IL1RAPL1: variants seen among roughly 807,000 people sequenced by gnomAD.
IL1RAPL1 encodes the protein interleukin 1 receptor accessory protein like 1.
A neutral mutation model predicts 48.4 loss-of-function variants in IL1RAPL1; 3 were observed. That is an observed-to-expected ratio of 0.06 (90% confidence interval 0.03 to 0.16). The LOEUF (loss-of-function observed/expected upper bound fraction) is 0.16. Among genes scored for constraint, IL1RAPL1 ranks in the 10% least tolerant of loss-of-function variants. IL1RAPL1 has a pLI of 1.00. For synonymous variants in IL1RAPL1, 185 were observed against 187.7 expected (o/e 0.99, Z 0.12); for missense variants, 349 against 530.6 (o/e 0.66, Z 3.36).
chrX:29,029,628 G>A (rs1272458550), intron 2 of IL1RAPL1, among the ~76,000 whole-genome samples: 1 of 111,829 alleles, frequency 8.9e-6, no homozygotes, highest in African/African-American at 3.3e-5. Context: ...CCATCTTTGT[G>A]TATTTTGCAT....
chrX:28,925,321 T>C (rs921308759), intron 2 of IL1RAPL1, among the ~76,000 whole-genome samples: 1 of 111,830 alleles, frequency 8.9e-6, no homozygotes, highest in South Asian at 3.7e-4. Flanking sequence ...TGTATTTTAG[T>C]TTGAAGAACT....
intron 1 of IL1RAPL1, among the ~76,000 whole-genome samples, chrX:28,623,391 G>T (rs1050599493): frequency 9.0e-6 from 1 of 111,441 alleles, no homozygotes; most frequent in Non-Finnish European, 1.9e-5. Context: ...GGAATTTATC[G>T]CAACGGGTAT....
At chrX:29,936,491 C>T (rs976472616) in intron 8 of IL1RAPL1, among the ~76,000 whole-genome samples, 22 of 102,464 alleles carry the variant, frequency 2.1e-4, no homozygotes, top group South Asian at 1.8e-3. Context: ...TCAGTTATAC[C>T]TTCTGGCAAA....
At chrX:29,127,513 G>A (rs974583877) in intron 2 of IL1RAPL1, among the ~76,000 whole-genome samples, 2 of 111,873 alleles carry the variant, frequency 1.8e-5, no homozygotes, top group South Asian at 3.7e-4. Context: ...TGCTCTTTGC[G>A]TCTTTGCACA....
intron 2 of IL1RAPL1, among the ~76,000 whole-genome samples, chrX:29,154,257 G>A (rs1037046724): frequency 9.0e-6 from 1 of 111,449 alleles, no homozygotes; most frequent in Non-Finnish European, 1.9e-5. Flanking sequence ...AATATTTTGT[G>A]GGCCAGGTGC....
chrX:28,966,946 G>A (rs907148735), intron 2 of IL1RAPL1, among the ~76,000 whole-genome samples: 2 of 111,790 alleles, frequency 1.8e-5, no homozygotes, highest in Admixed American at 9.5e-5. Context: ...ACAAGAGGTG[G>A]CCAACTCAAT....
At chrX:29,115,658 A>G (rs1265246510) in intron 2 of IL1RAPL1, among the ~76,000 whole-genome samples, 1 of 110,525 alleles carries the variant, frequency 9.0e-6, no homozygotes, top group African/African-American at 3.3e-5. Flanking sequence ...GCTGGATTTA[A>G]AAAATCTGTA....
intron 6 of IL1RAPL1, among the ~76,000 whole-genome samples, chrX:29,888,700 T>C (rs1035013445): frequency 9.1e-6 from 1 of 109,736 alleles, no homozygotes; most frequent in Non-Finnish European, 1.9e-5. Context: ...CTATTTTCCA[T>C]CAAACAGTTT....
At chrX:28,904,906 A>G (rs1040750201) in intron 2 of IL1RAPL1, among the ~76,000 whole-genome samples, 2 of 112,269 alleles carry the variant, frequency 1.8e-5, no homozygotes, top group African/African-American at 6.4e-5. Flanking sequence ...CCATTTAAGT[A>G]AAATCATATA....
intron 6 of IL1RAPL1, among the ~76,000 whole-genome samples, chrX:29,691,003 GA>G (rs1224337038): frequency 3.0e-5 from 3 of 101,372 alleles, no homozygotes; most frequent in South Asian, 5.0e-4. Flanking sequence ...GAAGAAAATA[GA>G]AAAAAAGTTA....
At chrX:29,255,754 C>G (rs1042342544) in intron 2 of IL1RAPL1, among the ~76,000 whole-genome samples, 1 of 110,969 alleles carries the variant, frequency 9.0e-6, no homozygotes, top group Non-Finnish European at 1.9e-5. Context: ...GTGATGGCCC[C>G]CAGCTGCATC....
chrX:29,508,641 T>TA (rs1569327051), intron 5 of IL1RAPL1, among the ~76,000 whole-genome samples: 2 of 111,912 alleles, frequency 1.8e-5, no homozygotes, highest in Non-Finnish European at 3.8e-5. Context: ...TGAGCCTTCA[T>TA]AAACTTGAAG....
intron 2 of IL1RAPL1, among the ~76,000 whole-genome samples, chrX:29,044,478 TC>T (rs1464770914): frequency 9.0e-6 from 1 of 110,961 alleles, no homozygotes; most frequent in African/African-American, 3.3e-5. Flanking sequence ...TGATGATTTT[TC>T]CTATTATAAG....
intron 2 of IL1RAPL1, among the ~76,000 whole-genome samples, chrX:28,842,282 C>CA (rs758294495): frequency 0.031 from 3,295 of 105,064 alleles, 92 homozygotes; most frequent in African/African-American, 0.094. Context: ...ATATAAATTT[C>CA]AAAAAAAAAA....
chrX:29,031,222 G>A (rs745880351), intron 2 of IL1RAPL1, among the ~76,000 whole-genome samples: 1 of 112,214 alleles, frequency 8.9e-6, no homozygotes, highest in African/African-American at 3.2e-5. Context: ...TCCCTTGGAT[G>A]TGTAAATTAA....
At chrX:29,924,806 C>T (rs1382378407) in intron 8 of IL1RAPL1, among the ~76,000 whole-genome samples, 1 of 111,763 alleles carries the variant, frequency 8.9e-6, no homozygotes, top group Non-Finnish European at 1.9e-5. Context: ...CCCATCTAAC[C>T]CATTTTACTT....
At chrX:29,413,116 AGATCT>A (rs1487050750) in intron 5 of IL1RAPL1, among the ~76,000 whole-genome samples, 2 of 110,948 alleles carry the variant, frequency 1.8e-5, no homozygotes, top group Non-Finnish European at 3.8e-5. Flanking sequence ...AAGTCTCACG[AGATCT>A]GATAGGTTTA....
intron 2 of IL1RAPL1, among the ~76,000 whole-genome samples, chrX:29,267,868 A>G (rs919913970): frequency 9.0e-6 from 1 of 111,647 alleles, no homozygotes; most frequent in African/African-American, 3.3e-5. Flanking sequence ...AGAACCCAGA[A>G]ATTGAATTGA....
chrX:29,805,050 C>T (rs1219701154), intron 6 of IL1RAPL1, among the ~76,000 whole-genome samples: 1 of 112,431 alleles, frequency 8.9e-6, no homozygotes, highest in Non-Finnish European at 1.9e-5. Flanking sequence ...ATGACACTGA[C>T]AATTATTTCC....
Sources: allele counts gnomAD v4.1 joint callset (sites outside exome capture counted in the v4.1 genomes callset), GRCh38; gene constraint gnomAD v4.1.1; transcripts MANE v1.5; gene names NCBI Gene and HGNC (gene_info 2026-07-23, HGNC 2026-07-21).